TDP2: variants seen among roughly 807,000 people sequenced by gnomAD.
TDP2 encodes the protein 5'-Tyr-DNA phosphodiesterase.
Under a neutral mutation model 42.8 loss-of-function variants are expected in TDP2, and 38 were observed. The ratio of observed to expected loss-of-function variants is 0.89; its 90% CI spans 0.68 to 1.16. TDP2 has a LOEUF of 1.16. Ranked by LOEUF, TDP2 falls within the 50% of genes most tolerant of loss-of-function variation. The pLI, the probability that TDP2 is intolerant of heterozygous loss-of-function variation, is 0.00. For synonymous variants in TDP2, 173 were observed against 150.6 expected, an observed-to-expected ratio of 1.15 and a Z score of -1.09; for missense variants, 439 against 439.3, an observed-to-expected ratio of 1.00 and a Z score of 0.01.
At position 24,666,743 on chromosome 6, in the gene TDP2, G is replaced by A. The variant is rs374879671; in HGVS notation, c.120C>T (p.Ala40=). 33 of 1,614,148 alleles carry A rather than the reference G, an allele frequency of 2.0e-5. 1 individual carries two copies. In the South Asian group the frequency reaches 3.0e-4, roughly 14 times the overall value. ...VEFASVASCD[A]AVAQCFLAEN... is the part of the protein sequence containing the mutation. ...CGGCCAGGAAGCACTGAGCCACTGC[G>A]GCATCGCAGCTTGCGACCGAGGCAA... Residue 40 remains alanine, a synonymous_variant, in exon 1 of 7, where the codon GCC becomes GCT. Transcript: ENST00000378198.
At chr6:24,662,422 T>C (rs1312020237) in intron 2 of TDP2, among the ~76,000 whole-genome samples, 1 of 152,058 alleles carries the variant, frequency 6.6e-6, no homozygotes, top group Admixed American at 6.5e-5. Context: ...CTGGCGGCAA[T>C]ACTACTCTTT....
Position 24,666,608 on chromosome 6 carries a change from C to G in TDP2, c.169G>C (p.Ala57Pro), listed in dbSNP as rs754004696. The G allele has an allele frequency of 6.2e-7, 1 of 1,614,216 alleles. No homozygotes were observed. Among genetic ancestry groups the G allele is most frequent in the Admixed American group, 1.7e-5 (1 of 60,028 alleles). Residue 57 changes from alanine to proline, a missense_variant, in exon 2 of 7, where the codon GCT (alanine) becomes CCT (proline). Ala to Pro is a conservative substitution (Grantham distance 27). Coordinates refer to ENST00000378198, the MANE Select transcript of TDP2 (RefSeq NM_016614.3). ...GGAGGCTCGAAGTAGGAGTTCAGAG[C>G]CCTCTGAAAAACAAAGGCACAAGGG... ...LAENDWEMER[A>P]LNSYFEPPVE...
In TDP2 at chr6:24,657,830, T is replaced by C. The variant is rs991220151; in HGVS notation, c.499A>G (p.Asn167Asp). ...TTGTTACCTGTAATAATCTCATAAT[T>C]ACTTGATCTCTTCTTTAGGTAGCTA... ...YYSYLKKRSS[N>D]YEIITGHEEG... Residue 167 changes from asparagine (N) to aspartate (D), a missense_variant, in exon 4 of 7, where the codon AAT (asparagine) becomes GAT (aspartate). Transcript: ENST00000378198. 6 of 1,566,882 alleles carry C rather than the reference T, an allele frequency of 3.8e-6. No individual in the cohort carries two copies. The East Asian group carries it at 6.9e-5, about 18-fold the overall frequency.
intron 2 of TDP2, among the ~76,000 whole-genome samples, chr6:24,661,830 A>T (rs1778154269): frequency 7.1e-6 from 1 of 140,248 alleles, no homozygotes; most frequent in South Asian, 2.3e-4. Flanking sequence ...TGGGGGAAAG[A>T]GAGATCAGAC....
intron 6 of TDP2, among the ~76,000 whole-genome samples, chr6:24,651,641 G>GAGAGC: frequency 6.6e-6 from 1 of 151,618 alleles, no homozygotes; most frequent in East Asian, 1.9e-4. Context: ...GCCCAGGATG[G>GAGAGC]AGTGGTGCAA....
intron 2 of TDP2, among the ~76,000 whole-genome samples, chr6:24,664,393 T>C (rs116596225): frequency 0.04 from 6,033 of 150,274 alleles, 343 homozygotes; most frequent in African/African-American, 0.12. Context: ...GAAATTAGAA[T>C]CTCTGGTTTT....
At chr6:24,656,377 A>G (rs1778061786) in intron 4 of TDP2, among the ~76,000 whole-genome samples, 1 of 152,078 alleles carries the variant, frequency 6.6e-6, no homozygotes, top group Admixed American at 6.6e-5. Flanking sequence ...GAGAGTAAAA[A>G]AACTTAAGGG....
In TDP2 at chr6:24,650,725, C is replaced by A; in HGVS notation, c.*63G>T. The A allele has an allele frequency of 6.5e-7, 1 of 1,536,350 alleles. No individual in the cohort carries two copies. The highest frequency in any genetic ancestry group is 8.9e-7 in the Non-Finnish European group (1 of 1,126,232). On this transcript the variant is annotated 3_prime_UTR_variant, in exon 7 of 7. Transcript: ENST00000378198. ...ATTATTTCCTCCACAGCAAACCTAC[C>A]TTTCCAGAAGGTGGAAATTGTATTT...
intron 4 of TDP2, among the ~76,000 whole-genome samples, chr6:24,655,677 T>C (rs575625702): frequency 2.0e-5 from 3 of 152,102 alleles, no homozygotes; most frequent in South Asian, 2.1e-4. Context: ...GGTGAATAGG[T>C]TGAACACTGA....
intron 2 of TDP2, among the ~76,000 whole-genome samples, chr6:24,660,994 G>C (rs938887432): frequency 6.6e-6 from 1 of 152,182 alleles, no homozygotes; most frequent in Non-Finnish European, 1.5e-5. Flanking sequence ...TCCTGGTGAT[G>C]TTAGCTTTGA....
rs879214211 is a variant in TDP2, at chr6:24,658,608, T to G, written c.378A>C (p.Leu126=). 1.9e-6 allele frequency: 3 copies of G among 1,613,934 alleles called. No individual in the cohort carries two copies. The highest frequency in any genetic ancestry group is 2.5e-6 in the Non-Finnish European group (3 of 1,179,868). Residue 126 remains leucine (L), a synonymous_variant, in exon 3 of 7, where the codon CTA becomes CTC. Transcript: ENST00000378198. ...CTCGAGCCCTCTCTGACAGATTGTT[T>G]AGATCTAATCCATCAATATTCCAGG... ...LITWNIDGLD[L]NNLSERARGV...
At chr6:24,654,999 T>A (rs1778041167) in intron 4 of TDP2, among the ~76,000 whole-genome samples, 1 of 152,038 alleles carries the variant, frequency 6.6e-6, no homozygotes, top group African/African-American at 2.4e-5. Context: ...GATCGTGCCA[T>A]CGCACTCTAG....
chr6:24,654,083 G>A (rs1356292961), intron 5 of TDP2, among the ~76,000 whole-genome samples: 1 of 152,056 alleles, frequency 6.6e-6, no homozygotes, highest in African/African-American at 2.4e-5. Flanking sequence ...TACTATATCA[G>A]AGCAAGATCT....
At chr6:24,662,300 G>A (rs138035586) in intron 2 of TDP2, among the ~76,000 whole-genome samples, 2 of 152,098 alleles carry the variant, frequency 1.3e-5, no homozygotes, top group African/African-American at 4.8e-5. Flanking sequence ...AAAGAGGAAG[G>A]CATCTGTCTC....
Position 24,650,997 on chromosome 6 carries a change from G to C in TDP2, c.880C>G (p.Gln294Glu). ...WEFLGKPKHC[Q>E]YTWDTQMNSN... ...TTCATTTGTGTATCCCATGTATACT[G>C]GCAATGTTTAGGTTTGCCCAAAAAC... The change falls in exon 7 of 7, where the codon CAG becomes GAG. Residue 294 changes from glutamine (Q) to glutamate (E), a missense_variant. Gln to Glu is a conservative substitution (Grantham distance 29). Transcript: ENST00000378198. 2 of 1,613,994 alleles carry C rather than the reference G, an allele frequency of 1.2e-6. No individual in the cohort carries two copies. Among genetic ancestry groups the C allele is most frequent in the Non-Finnish European group, 1.7e-6 (2 of 1,179,944 alleles).
chr6:24,655,215 T>C (rs1582421107), intron 4 of TDP2, among the ~76,000 whole-genome samples: 2 of 152,206 alleles, frequency 1.3e-5, no homozygotes, highest in East Asian at 3.9e-4. Flanking sequence ...AGAAAAATTA[T>C]AGTAAATGAA....
At chr6:24,666,356 C>G in intron 2 of TDP2, 170 bp downstream of exon 2, 1 of 1,435,502 alleles carries the variant, frequency 7.0e-7, no homozygotes, top group East Asian at 2.3e-5. Context: ...GCTGCTGGGG[C>G]GCAACTCCGC....
chr6:24,660,377 G>C (rs1282292327), intron 2 of TDP2, among the ~76,000 whole-genome samples: 2 of 152,136 alleles, frequency 1.3e-5, no homozygotes, highest in African/African-American at 4.8e-5. Flanking sequence ...TAGGCTATAT[G>C]GTCTAGCCTA....
intron 4 of TDP2, among the ~76,000 whole-genome samples, chr6:24,655,819 T>C (rs1225484015): frequency 6.6e-6 from 1 of 152,174 alleles, no homozygotes. Context: ...AGAAACAAAA[T>C]GGTCTCAGAT....
Sources: allele counts gnomAD v4.1 joint callset (sites outside exome capture counted in the v4.1 genomes callset), GRCh38; gene constraint gnomAD v4.1.1; transcripts MANE v1.5; gene names NCBI Gene and HGNC (gene_info 2026-07-23, HGNC 2026-07-21).